RBMS3: variants seen among roughly 807,000 people sequenced by gnomAD.
RBMS3 encodes the protein RNA binding motif single stranded interacting protein 3.
Under a neutral mutation model 66.8 loss-of-function variants are expected in RBMS3, and 27 were observed. The observed-to-expected ratio is 0.40, with a 90% CI of 0.30 to 0.56. The LOEUF (loss-of-function observed/expected upper bound fraction) is 0.56, where lower values mean the gene tolerates loss of function less well. Ranked by LOEUF, RBMS3 falls within the 20% of genes least tolerant of loss-of-function variation. RBMS3 has a pLI of 0.40. For missense variants in RBMS3, 513 were observed against 549.5 expected (o/e 0.93, Z 0.66); for synonymous variants, 188 against 183.0 (o/e 1.03, Z -0.22).
At chr3:29,488,759 C>T (rs909840160) in intron 3 of RBMS3, among the ~76,000 whole-genome samples, 1 of 152,178 alleles carries the variant, frequency 6.6e-6, no homozygotes, top group Non-Finnish European at 1.5e-5. Flanking sequence ...TACCTCCTAA[C>T]AACTTTGGGG....
intron 10 of RBMS3, among the ~76,000 whole-genome samples, chr3:29,908,777 A>G (rs910920614): frequency 9.9e-5 from 15 of 152,260 alleles, no homozygotes; most frequent in African/African-American, 3.4e-4. Context: ...ATTTTTCTAG[A>G]TATTATTGGA....
chr3:29,818,564 G>A (rs1476364934), intron 6 of RBMS3, among the ~76,000 whole-genome samples: 1 of 151,836 alleles, frequency 6.6e-6, no homozygotes, highest in Non-Finnish European at 1.5e-5. Flanking sequence ...CAAATGTTGT[G>A]AAAAGTTTTA....
chr3:29,994,415 G>A (rs898374034), intron 14 of RBMS3, among the ~76,000 whole-genome samples: 1 of 151,818 alleles, frequency 6.6e-6, no homozygotes, highest in Non-Finnish European at 1.5e-5. Flanking sequence ...GCTCCAACTG[G>A]GTGGAGCCCA....
intron 4 of RBMS3, among the ~76,000 whole-genome samples, chr3:29,661,317 A>G (rs2050539059): frequency 1.3e-5 from 2 of 152,178 alleles, no homozygotes; most frequent in African/African-American, 2.4e-5. Flanking sequence ...CTGGTTGTGT[A>G]TAGAATCTCT....
At chr3:29,790,060 AT>A (rs531728772) in intron 6 of RBMS3, among the ~76,000 whole-genome samples, 154 of 152,278 alleles carry the variant, frequency 1.0e-3, no homozygotes, top group African/African-American at 3.4e-3. Flanking sequence ...TTTACAGGTG[AT>A]TTTAGCTAAG....
chr3:29,765,140 A>C (rs985977296), intron 6 of RBMS3, among the ~76,000 whole-genome samples: 1 of 152,032 alleles, frequency 6.6e-6, no homozygotes, highest in Non-Finnish European at 1.5e-5. Context: ...GGAAGAAAAG[A>C]GGATATAATA....
At chr3:29,619,056 C>T (rs763699706) in intron 4 of RBMS3, among the ~76,000 whole-genome samples, 16 of 151,662 alleles carry the variant, frequency 1.1e-4, no homozygotes, top group Non-Finnish European at 1.5e-4. Flanking sequence ...CATTTGACGT[C>T]GAAAATGATA....
chr3:29,424,544 A>T (rs905286538), intron 1 of RBMS3, among the ~76,000 whole-genome samples: 7 of 152,174 alleles, frequency 4.6e-5, no homozygotes, highest in Non-Finnish European at 1.0e-4. Context: ...TGGGATGAGA[A>T]CTGGTATAAG....
At chr3:29,712,343 C>G (rs2053208750) in intron 4 of RBMS3, among the ~76,000 whole-genome samples, 1 of 152,114 alleles carries the variant, frequency 6.6e-6, no homozygotes, top group South Asian at 2.1e-4. Context: ...GACAGGGTCT[C>G]ACTCTGTCAC....
At chr3:29,571,779 C>G (rs2046961609) in intron 3 of RBMS3, among the ~76,000 whole-genome samples, 1 of 151,984 alleles carries the variant, frequency 6.6e-6, no homozygotes. Flanking sequence ...TCTGTAGAAA[C>G]TTTAGAATTA....
intron 3 of RBMS3, among the ~76,000 whole-genome samples, chr3:29,577,711 T>C (rs774301231): frequency 4.6e-5 from 7 of 152,214 alleles, no homozygotes; most frequent in Non-Finnish European, 8.8e-5. Context: ...CTGAGTTTAA[T>C]GTAAAGTCCC....
At chr3:29,686,225 A>G (rs2051727922) in intron 4 of RBMS3, among the ~76,000 whole-genome samples, 1 of 152,220 alleles carries the variant, frequency 6.6e-6, no homozygotes, top group Admixed American at 6.5e-5. Flanking sequence ...TCTAATCAGT[A>G]CATTCTAATA....
chr3:29,806,042 A>C (rs1163263767), intron 6 of RBMS3, among the ~76,000 whole-genome samples: 1 of 151,964 alleles, frequency 6.6e-6, no homozygotes, highest in Admixed American at 6.6e-5. Context: ...TTTCCACACT[A>C]ATTTTTGTTC....
chr3:29,385,451 A>T (rs995403423), intron 1 of RBMS3, among the ~76,000 whole-genome samples: 3 of 152,204 alleles, frequency 2.0e-5, no homozygotes, highest in African/African-American at 7.2e-5. Context: ...ACTCAAATTC[A>T]AACTTGGATA....
intron 2 of RBMS3, among the ~76,000 whole-genome samples, chr3:29,459,913 C>A (rs1310433985): frequency 6.6e-6 from 1 of 152,280 alleles, no homozygotes; most frequent in South Asian, 2.1e-4. Context: ...AAACAATTTG[C>A]TAAAGCTTGA....
At chr3:29,616,499 AC>A (rs1195411861) in intron 4 of RBMS3, 1 of 157,756 alleles carries the variant, frequency 6.3e-6, no homozygotes, top group African/African-American at 2.4e-5. Context: ...AAACAAACAA[AC>A]AAACAAACAA....
chr3:29,289,642 G>A (rs2032658303), intron 1 of RBMS3, among the ~76,000 whole-genome samples: 1 of 151,810 alleles, frequency 6.6e-6, no homozygotes, highest in African/African-American at 2.4e-5. Flanking sequence ...TTTCATGAAT[G>A]ATAAATACAA....
At chr3:29,963,546 G>T (rs1302417897) in intron 12 of RBMS3, among the ~76,000 whole-genome samples, 2 of 152,252 alleles carry the variant, frequency 1.3e-5, no homozygotes, top group East Asian at 3.9e-4. Flanking sequence ...TTTTCACATT[G>T]GCTAAGCTCG....
intron 4 of RBMS3, among the ~76,000 whole-genome samples, chr3:29,663,558 T>C (rs2050637813): frequency 6.6e-6 from 1 of 152,186 alleles, no homozygotes; most frequent in Non-Finnish European, 1.5e-5. Context: ...TCTTGAAGCC[T>C]GGGATAATGC....
Sources: gnomAD v4.1 joint callset for allele counts (sites outside exome capture counted in the v4.1 genomes callset) on GRCh38, gnomAD v4.1.1 for gene constraint, MANE v1.5 for transcripts, NCBI Gene and HGNC (gene_info 2026-07-23, HGNC 2026-07-21) for gene names.